ZNF609: variants seen among roughly 807,000 people sequenced by gnomAD.
The protein encoded by ZNF609 is zinc finger protein 609.
ZNF609 carries 11 observed loss-of-function variants against 109.5 expected under a neutral mutation model. That is an observed-to-expected ratio of 0.10 (90% CI 0.06 to 0.17). The LOEUF is 0.17. Ranked by LOEUF, ZNF609 falls within the 10% of genes least tolerant of loss-of-function variation. ZNF609 has a pLI of 1.00. For missense variants in ZNF609, 1,559 were observed against 1,772.4 expected (o/e 0.88, Z 2.16); for synonymous variants, 646 against 662.0 (o/e 0.98, Z 0.37).
chr15:64,653,992 A>T (rs1158973208), intron 3 of ZNF609: 1 of 152,160 alleles, frequency 6.6e-6, no homozygotes, highest in African/African-American at 2.4e-5. Context: ...TCTAGAGGAA[A>T]GTCTAGAAAG....
At chr15:64,528,914 T>C (rs1894012331) in intron 2 of ZNF609, 1 of 1,111,362 alleles carries the variant, frequency 9.0e-7, no homozygotes, top group African/African-American at 1.5e-5. Context: ...GTCATCATAT[T>C]GGCAGGTTTT....
chr15:64,600,764 A>G (rs1404039715), intron 2 of ZNF609, among the ~76,000 whole-genome samples: 3 of 152,314 alleles, frequency 2.0e-5, no homozygotes, highest in Admixed American at 2.0e-4. Flanking sequence ...CTTAATTTTT[A>G]TAAGCTCTAT....
chr15:64,657,259 CA>C (rs35250526), intron 3 of ZNF609, among the ~76,000 whole-genome samples: 10,210 of 118,680 alleles, frequency 0.086, 985 homozygotes, highest in African/African-American at 0.26. Flanking sequence ...GACTGTGTCT[CA>C]AAAAAAAAAA....
Position 64,574,529 on chromosome 15 carries a change from A to G in ZNF609, c.748-48298A>G, listed in dbSNP as rs533511881. Among the ~76,000 whole-genome samples, 14 of 152,310 alleles carry G rather than the reference A, an allele frequency of 9.2e-5. No homozygotes were observed. The South Asian group carries it at 2.9e-3, about 32-fold the overall frequency. ...CTTCCCTTTGTTGGTGGCTACAGGC[A>G]AGTATATGAGAGATATAAAACTGTA... On this transcript the variant is annotated intron_variant, in intron 2 of 9. Coordinates refer to ENST00000326648, the MANE Select transcript of ZNF609 (RefSeq NM_015042.2).
In ZNF609 at chr15:64,622,817, C is replaced by T; in HGVS notation, c.748-10C>T. Reference sequence around the variant, plus strand: ...TGCAACTCAGCTACTACTTTTTCTTCCCTCCACAGATGGAGTCCCCTGTTT... The same window carrying T: ...TGCAACTCAGCTACTACTTTTTCTTTCCTCCACAGATGGAGTCCCCTGTTT... On this transcript the variant is annotated splice_polypyrimidine_tract_variant and intron_variant, in intron 2 of 9. Transcript: ENST00000326648. The T allele has an allele frequency of 6.2e-7, 1 of 1,612,776 alleles. No homozygotes were observed. The highest frequency in any genetic ancestry group is 1.1e-5 in the South Asian group (1 of 91,038).
intron 2 of ZNF609, among the ~76,000 whole-genome samples, chr15:64,606,196 C>T (rs1895596280): frequency 6.6e-6 from 1 of 151,724 alleles, no homozygotes; most frequent in African/African-American, 2.4e-5. Flanking sequence ...TCACTGCAGC[C>T]TCAACCTCCT....
At chr15:64,557,064 T>C (rs982895958) in intron 2 of ZNF609, among the ~76,000 whole-genome samples, 8 of 152,190 alleles carry the variant, frequency 5.3e-5, no homozygotes, top group Non-Finnish European at 1.2e-4. Flanking sequence ...AATGAGATTC[T>C]TGGTTTTGGA....
At chr15:64,602,911 T>C (rs1165861065) in intron 2 of ZNF609, among the ~76,000 whole-genome samples, 2 of 134,540 alleles carry the variant, frequency 1.5e-5, no homozygotes, top group Non-Finnish European at 3.2e-5. Context: ...TTTTTTTTTT[T>C]TTTTTTTGTA....
intron 1 of ZNF609, among the ~76,000 whole-genome samples, chr15:64,484,466 A>G (rs1893302499): frequency 6.6e-6 from 1 of 152,082 alleles, no homozygotes; most frequent in Non-Finnish European, 1.5e-5. Context: ...TCACGAGGTC[A>G]GGAGTTCCGG....
At chr15:64,516,436 A>G (rs935315798) in intron 2 of ZNF609, among the ~76,000 whole-genome samples, 11 of 152,128 alleles carry the variant, frequency 7.2e-5, no homozygotes, top group Non-Finnish European at 7.4e-5. Flanking sequence ...CAATGGCACG[A>G]TCTCGTCTCA....
chr15:64,574,970 A>G (rs752133473), intron 2 of ZNF609, among the ~76,000 whole-genome samples: 1 of 152,106 alleles, frequency 6.6e-6, no homozygotes, highest in African/African-American at 2.4e-5. Flanking sequence ...AGCACTATTC[A>G]TTTTACCAAG....
chr15:64,625,104 TCA>T (rs1895933115), intron 3 of ZNF609, among the ~76,000 whole-genome samples: 1 of 152,166 alleles, frequency 6.6e-6, no homozygotes, highest in Non-Finnish European at 1.5e-5. Flanking sequence ...ATAGCACACA[TCA>T]CAGTTTGCAA....
Position 64,507,786 on chromosome 15 carries a change from G to C in ZNF609, c.747+7620G>C, listed in dbSNP as rs115025096. On this transcript the variant is annotated intron_variant, in intron 2 of 9. Coordinates refer to ENST00000326648, the MANE Select transcript of ZNF609 (RefSeq NM_015042.2). The stretch of plus-strand genomic sequence containing the variant: ...GGAGGACCATTTGAAATAGAGAGCA[G>C]AGGGAAGATGGCTTTTCTCTTCACT... Among the ~76,000 whole-genome samples the C allele has an allele frequency of 8.5e-3, 1,287 of 152,304 alleles. 20 individuals carry two copies. Among genetic ancestry groups the C allele is most frequent in the African/African-American group, 0.03 (1,238 of 41,546 alleles).
chr15:64,659,215 TAA>T (rs1293944525), intron 3 of ZNF609, among the ~76,000 whole-genome samples: 1 of 152,202 alleles, frequency 6.6e-6, no homozygotes, highest in Admixed American at 6.5e-5. Flanking sequence ...TTTAGTTTTT[TAA>T]AAGTTTTTTA....
chr15:64,518,593 A>C (rs1054043079), intron 2 of ZNF609, among the ~76,000 whole-genome samples: 1 of 152,218 alleles, frequency 6.6e-6, no homozygotes, highest in Admixed American at 6.5e-5. Context: ...TCTTGATGTC[A>C]TCTGCAGAGT....
intron 1 of ZNF609, among the ~76,000 whole-genome samples, chr15:64,480,182 T>C (rs1596378251): frequency 6.6e-6 from 1 of 151,682 alleles, no homozygotes; most frequent in Non-Finnish European, 1.5e-5. Flanking sequence ...GAGGTTGCAG[T>C]GAGCCGATAT....
Position 64,674,230 on chromosome 15 carries a change from G to A in ZNF609, c.1376G>A (p.Gly459Glu). 1 of 1,614,144 alleles carries A rather than the reference G, an allele frequency of 6.2e-7. No individual in the cohort carries two copies. Among genetic ancestry groups the A allele is most frequent in the East Asian group, 2.2e-5 (1 of 44,884 alleles). Residue 459 changes from glycine to glutamate, a missense_variant, in exon 5 of 10, where the codon GGG (glycine) becomes GAG (glutamate). Coordinates refer to ENST00000326648, the MANE Select transcript of ZNF609 (RefSeq NM_015042.2). ...ELNSSSEDSK[G>E]SKRVRTNSMG... ...AATTCTAGCTCAGAGGACTCCAAAG[G>A]GAGCAAGCGTGTCCGTACTAATTCC... is the stretch of plus-strand genomic sequence containing the variant.
chr15:64,603,644 C>T (rs1359069143), intron 2 of ZNF609, among the ~76,000 whole-genome samples: 1 of 151,950 alleles, frequency 6.6e-6, no homozygotes, highest in Non-Finnish European at 1.5e-5. Context: ...CTATTGTGGC[C>T]TCTATTGCAC....
chr15:64,466,690 C>A (rs1318056863), intron 1 of ZNF609, among the ~76,000 whole-genome samples: 1 of 152,196 alleles, frequency 6.6e-6, no homozygotes. Context: ...ATGTCAAGTT[C>A]TTGATTTCCT....
Sources: gnomAD v4.1 joint callset for allele counts (sites outside exome capture counted in the v4.1 genomes callset) on GRCh38, gnomAD v4.1.1 for gene constraint, MANE v1.5 for transcripts, NCBI Gene and HGNC (gene_info 2026-07-23, HGNC 2026-07-21) for gene names.